The following GPHN variants were observed in gnomAD, a reference collection of about 807,000 sequenced individuals.
GPHN encodes gephyrin.
Under a neutral mutation model 95.5 loss-of-function variants are expected in GPHN, and 17 were observed. That is an observed-to-expected ratio of 0.18 (90% confidence interval 0.12 to 0.27). The LOEUF (loss-of-function observed/expected upper bound fraction) is 0.27. Ranked by LOEUF, GPHN falls within the 10% of genes least tolerant of loss-of-function variation. The probability of loss-of-function intolerance (pLI) is 1.00; values close to 1 mark genes in which losing one functional copy is unlikely to be tolerated. For synonymous variants in GPHN, 320 were observed against 322.5 expected, an observed-to-expected ratio of 0.99 and a Z score of 0.08; for missense variants, 660 against 978.1, an observed-to-expected ratio of 0.67 and a Z score of 4.34.
chr14:67,634,430 CAAA>C, the GPHN span, among the ~76,000 whole-genome samples: 7 of 114,446 alleles, frequency 6.1e-5, no homozygotes, highest in Admixed American at 8.9e-5. Context: ...CTATCTCTAC[CAAA>C]AAAAAAAAAA....
the GPHN span, among the ~76,000 whole-genome samples, chr14:67,618,508 G>T: frequency 6.6e-6 from 1 of 152,038 alleles, no homozygotes; most frequent in East Asian, 1.9e-4. Flanking sequence ...CAAGTAGCTG[G>T]GGCCATAGGC....
the GPHN span, chr14:67,592,760 C>T: frequency 8.8e-7 from 1 of 1,138,634 alleles, no homozygotes; most frequent in Non-Finnish European, 1.3e-6. Context: ...AAGTGAAACT[C>T]ATTTTGCATT....
At chr14:67,246,858 G>A in the GPHN span, among the ~76,000 whole-genome samples, 1 of 151,984 alleles carries the variant, frequency 6.6e-6, no homozygotes, top group Non-Finnish European at 1.5e-5. Context: ...CACCGTGTTG[G>A]CCAGGATGGT....
chr14:67,619,946 C>T, the GPHN span: 3 of 1,468,258 alleles, frequency 2.0e-6, no homozygotes, highest in Non-Finnish European at 1.8e-6. Context: ...CGCGCGGAGC[C>T]TCTGCCTTGG....
the GPHN span, among the ~76,000 whole-genome samples, chr14:67,558,975 A>T: frequency 6.6e-6 from 1 of 152,236 alleles, no homozygotes; most frequent in African/African-American, 2.4e-5. Context: ...GGAGGACTGG[A>T]TGTGGCCTGA....
At chr14:66,645,816 G>A (rs1330935861) in intron 1 of GPHN, among the ~76,000 whole-genome samples, 3 of 151,480 alleles carry the variant, frequency 2.0e-5, no homozygotes, top group Admixed American at 1.3e-4. Flanking sequence ...TAGATACTCA[G>A]ACTAACCCTA....
the GPHN span, chr14:67,569,802 T>G: frequency 1.4e-6 from 1 of 702,824 alleles, no homozygotes; most frequent in Non-Finnish European, 2.6e-6. Context: ...GGCCCCCCTC[T>G]TGAGATCTGT....
the GPHN span, among the ~76,000 whole-genome samples, chr14:67,302,955 CTAA>C: frequency 3.9e-5 from 6 of 152,070 alleles, 1 homozygote; most frequent in East Asian, 5.8e-4. Context: ...TGTTGTTTTC[CTAA>C]TAATATTAGA....
chr14:67,459,245 G>A, the GPHN span, among the ~76,000 whole-genome samples: 1 of 151,806 alleles, frequency 6.6e-6, no homozygotes, highest in Non-Finnish European at 1.5e-5. Context: ...TGTTGCCCAG[G>A]CTGGTCTTGA....
the GPHN span, among the ~76,000 whole-genome samples, chr14:67,321,819 A>G: frequency 6.6e-6 from 1 of 152,178 alleles, no homozygotes; most frequent in Non-Finnish European, 1.5e-5. Context: ...ATATGCTTGT[A>G]TGTATGTTCT....
At chr14:67,648,288 T>G in the GPHN span, 2 of 1,323,980 alleles carry the variant, frequency 1.5e-6, no homozygotes, top group South Asian at 3.1e-5. Flanking sequence ...TTGCAGAGTT[T>G]GTTTTTGCTT....
chr14:67,397,046 C>T, the GPHN span, among the ~76,000 whole-genome samples: 2 of 100,530 alleles, frequency 2.0e-5, no homozygotes, highest in African/African-American at 1.5e-4. Flanking sequence ...TCAAGCGATT[C>T]TCCTGCCTCA....
the GPHN span, among the ~76,000 whole-genome samples, chr14:67,611,438 T>G: frequency 6.6e-6 from 1 of 151,834 alleles, no homozygotes; most frequent in African/African-American, 2.4e-5. Context: ...GTTTTTTTTT[T>G]GTATTTTTAG....
chr14:66,603,320 G>A (rs188505200), intron 1 of GPHN, among the ~76,000 whole-genome samples: 4 of 151,538 alleles, frequency 2.6e-5, no homozygotes, highest in African/African-American at 9.7e-5. Context: ...GGGTTTTTTT[G>A]TGTGTGTGTG....
At position 66,960,760 on chromosome 14, in the gene GPHN, T is replaced by C. The variant is rs577227827; in HGVS notation, c.829-4431T>C. Among the ~76,000 whole-genome samples, 65 of 152,200 alleles carry C rather than the reference T, an allele frequency of 4.3e-4. 1 individual carries two copies. Among genetic ancestry groups the C allele is most frequent in the Non-Finnish European group, 1.0e-4 (7 of 67,942 alleles). ...TCAAATTTATCCACAAGTGAGAGAA[T>C]AGAACCTTCTCAGGTCTTTTCTGAG... is the stretch of plus-strand genomic sequence containing the variant. On this transcript the variant is annotated intron_variant, in intron 8 of 22. Coordinates refer to ENST00000478722, the MANE Select transcript of GPHN (RefSeq NM_020806.5).
chr14:67,263,549 CTT>C, the GPHN span, among the ~76,000 whole-genome samples: 1 of 152,314 alleles, frequency 6.6e-6, no homozygotes, highest in South Asian at 2.1e-4. Flanking sequence ...TTTTCCCTCT[CTT>C]CTCTTAGTAT....
At chr14:67,307,983 G>T in the GPHN span, among the ~76,000 whole-genome samples, 1 of 152,050 alleles carries the variant, frequency 6.6e-6, no homozygotes, top group Admixed American at 6.6e-5. Context: ...CACAGGAACA[G>T]AAAACCAAAA....
the GPHN span, chr14:67,615,896 G>T: frequency 3.3e-6 from 2 of 598,222 alleles, no homozygotes; most frequent in Non-Finnish European, 3.1e-6. Flanking sequence ...CACTGCTGCA[G>T]ATGACAAGCA....
At chr14:67,041,619 G>A (rs1476537763) in intron 10 of GPHN, among the ~76,000 whole-genome samples, 1 of 152,064 alleles carries the variant, frequency 6.6e-6, no homozygotes, top group African/African-American at 2.4e-5. Context: ...GTGTATCATT[G>A]ATGGACATCT....
Sources: allele counts gnomAD v4.1 joint callset (sites outside exome capture counted in the v4.1 genomes callset), GRCh38; gene constraint gnomAD v4.1.1; transcripts MANE v1.5; gene names NCBI Gene and HGNC (gene_info 2026-07-23, HGNC 2026-07-21).